The following RAB8B variants were observed in gnomAD, a reference collection of about 807,000 sequenced individuals.
The protein encoded by RAB8B is RAB8B, member RAS oncogene family.
A neutral mutation model predicts 32.0 loss-of-function variants in RAB8B; 11 were observed. The ratio of observed to expected loss-of-function variants is 0.34; its 90% CI spans 0.22 to 0.57. RAB8B has a LOEUF of 0.57. Ranked by LOEUF, RAB8B falls within the 20% of genes least tolerant of loss-of-function variation. RAB8B has a pLI of 0.86. For missense variants in RAB8B, 190 were observed against 258.5 expected (o/e 0.73, Z 1.82); for synonymous variants, 103 against 89.6 (o/e 1.15, Z -0.85).
intron 1 of RAB8B, among the ~76,000 whole-genome samples, chr15:63,242,640 T>C (rs1433529025): frequency 1.3e-5 from 2 of 152,188 alleles, no homozygotes; most frequent in Non-Finnish European, 2.9e-5. Flanking sequence ...ATTGCTCCAC[T>C]GCACTCCAGC....
At chr15:63,251,430 G>A (rs904680423) in intron 3 of RAB8B, 2 of 399,464 alleles carry the variant, frequency 5.0e-6, no homozygotes, top group South Asian at 3.6e-5. Context: ...GACACCATTT[G>A]CATGCTCATT....
intron 3 of RAB8B, among the ~76,000 whole-genome samples, chr15:63,251,074 C>T (rs1295678007): frequency 6.6e-6 from 1 of 151,864 alleles, no homozygotes; most frequent in African/African-American, 2.4e-5. Flanking sequence ...TTAGGGATTC[C>T]TTTTTAAGGC....
chr15:63,213,149 T>C (rs2037761673), intron 1 of RAB8B, among the ~76,000 whole-genome samples: 1 of 152,208 alleles, frequency 6.6e-6, no homozygotes, highest in African/African-American at 2.4e-5. Flanking sequence ...TTTCAGCTTG[T>C]ACACAGATTA....
intron 1 of RAB8B, among the ~76,000 whole-genome samples, chr15:63,231,337 A>T (rs904819645): frequency 6.6e-6 from 1 of 152,180 alleles, no homozygotes; most frequent in Non-Finnish European, 1.5e-5. Flanking sequence ...TACATGGTCA[A>T]TACTTGGAAA....
At chr15:63,192,750 A>T (rs149374863) in intron 1 of RAB8B, among the ~76,000 whole-genome samples, 1 of 152,184 alleles carries the variant, frequency 6.6e-6, no homozygotes, top group African/African-American at 2.4e-5. Flanking sequence ...AGTCATTTTG[A>T]TTCCAGATAC....
chr15:63,245,078 A>G (rs73443222), intron 2 of RAB8B, among the ~76,000 whole-genome samples: 85 of 152,324 alleles, frequency 5.6e-4, no homozygotes, highest in African/African-American at 1.9e-3. Context: ...TGAGGGGAGG[A>G]AACTAAATTC....
intron 1 of RAB8B, among the ~76,000 whole-genome samples, chr15:63,206,254 G>T (rs1330686280): frequency 6.6e-6 from 1 of 151,990 alleles, no homozygotes; most frequent in Non-Finnish European, 1.5e-5. Context: ...ATAAATGCCT[G>T]CTAACTTCAT....
intron 1 of RAB8B, among the ~76,000 whole-genome samples, chr15:63,195,014 T>C (rs929586536): frequency 2.4e-4 from 37 of 152,342 alleles, no homozygotes; most frequent in African/African-American, 8.2e-4. Context: ...CATATTTACA[T>C]TTTTATCCAA....
intron 1 of RAB8B, among the ~76,000 whole-genome samples, chr15:63,214,517 CTT>C (rs1453674599): frequency 6.6e-6 from 1 of 151,988 alleles, no homozygotes; most frequent in Non-Finnish European, 1.5e-5. Flanking sequence ...GTCTTGAACT[CTT>C]GTCCTCAGGT....
chr15:63,240,912 G>A (rs2038027123), intron 1 of RAB8B, among the ~76,000 whole-genome samples: 1 of 151,880 alleles, frequency 6.6e-6, no homozygotes, highest in Admixed American at 6.6e-5. Context: ...ATTGAGTGAA[G>A]GTGGTAAAGT....
chr15:63,260,809 T>C (rs943619861), intron 6 of RAB8B, among the ~76,000 whole-genome samples: 1 of 152,250 alleles, frequency 6.6e-6, no homozygotes, highest in Non-Finnish European at 1.5e-5. Flanking sequence ...ATGTAATTCT[T>C]TTAATAATAC....
rs190206111 is a variant in RAB8B, at chr15:63,205,253, T to C, written c.124+15505T>C. On this transcript the variant is annotated intron_variant, in intron 1 of 7. Coordinates refer to ENST00000321437, the MANE Select transcript of RAB8B (RefSeq NM_016530.3). ...AGATGGAAGTTGCAGTGAGCCGAGA[T>C]TGCGCCATTGCACTCCAGCCTGGGT... 7.2e-3 allele frequency among the ~76,000 whole-genome samples: 1,090 copies of C among 152,306 alleles called. 11 individuals are homozygous for C. The highest frequency in any genetic ancestry group is 0.024 in the African/African-American group (1,011 of 41,550).
intron 1 of RAB8B, among the ~76,000 whole-genome samples, chr15:63,236,154 A>G (rs1397088112): frequency 2.0e-5 from 3 of 152,196 alleles, no homozygotes; most frequent in African/African-American, 4.8e-5. Context: ...CTATAATTCT[A>G]TGATTCTCTT....
intron 3 of RAB8B, among the ~76,000 whole-genome samples, chr15:63,252,211 G>A (rs1456188238): frequency 2.0e-5 from 3 of 151,616 alleles, no homozygotes; most frequent in African/African-American, 4.9e-5. Context: ...ATAAGAAATA[G>A]GTGAATGATT....
chr15:63,263,558 C>T lies in RAB8B; in HGVS notation c.563C>T (p.Pro188Leu). 1 of 1,612,482 alleles carries T rather than the reference C, an allele frequency of 6.2e-7. No individual in the cohort carries two copies. The highest frequency in any genetic ancestry group is 2.2e-5 in the East Asian group (1 of 44,872). ...NDSNSAGAGGPVKITENRSKK... is the reference protein window; with the variant it reads ...NDSNSAGAGGLVKITENRSKK... ...AGCAATTCAGCAGGAGCAGGTGGAC[C>T]AGTGAAAATAACAGAAAACCGATCA... is the stretch of plus-strand genomic sequence containing the variant. The change falls in exon 8 of 8, where the codon CCA becomes CTA. Residue 188 changes from proline to leucine, a missense_variant. By Grantham distance (98) the Pro-to-Leu change is moderately conservative. Transcript: ENST00000321437.
chr15:63,258,617 A>G (rs1033169094), intron 5 of RAB8B, among the ~76,000 whole-genome samples: 3 of 152,088 alleles, frequency 2.0e-5, no homozygotes, highest in African/African-American at 7.2e-5. Flanking sequence ...ATGAAAGTAC[A>G]CTCCACAGAG....
At chr15:63,250,105 C>CGCAGTCT (rs1567020001) in intron 3 of RAB8B, among the ~76,000 whole-genome samples, 1 of 152,088 alleles carries the variant, frequency 6.6e-6, no homozygotes, top group East Asian at 1.9e-4. Context: ...CACTGCAGTC[C>CGCAGTCT]GCAGTCTGGC....
At chr15:63,215,224 G>A (rs752927821) in intron 1 of RAB8B, among the ~76,000 whole-genome samples, 21 of 152,248 alleles carry the variant, frequency 1.4e-4, no homozygotes, top group East Asian at 3.9e-4. Flanking sequence ...TAGTCTCATC[G>A]TGAAATGTGA....
At chr15:63,250,105 C>T (rs569630021) in intron 3 of RAB8B, among the ~76,000 whole-genome samples, 10 of 152,206 alleles carry the variant, frequency 6.6e-5, no homozygotes, top group African/African-American at 2.4e-4. Context: ...CACTGCAGTC[C>T]GCAGTCTGGC....
Sources: gnomAD v4.1 joint callset for allele counts (sites outside exome capture counted in the v4.1 genomes callset) on GRCh38, gnomAD v4.1.1 for gene constraint, MANE v1.5 for transcripts, NCBI Gene and HGNC (gene_info 2026-07-23, HGNC 2026-07-21) for gene names.